The following KIFAP3 variants were observed in gnomAD, a reference collection of about 807,000 sequenced individuals.
KIFAP3 encodes the protein kinesin associated protein 3, also known as kinesin-associated protein 3.
In KIFAP3, 68 loss-of-function variants were observed where a neutral mutation model predicts 106.5. The ratio of observed to expected loss-of-function variants is 0.64; its 90% confidence interval spans 0.53 to 0.78. The LOEUF (loss-of-function observed/expected upper bound fraction) is 0.78, where lower values mean the gene tolerates loss of function less well. Among genes scored for constraint, KIFAP3 ranks in the 30% least tolerant of loss-of-function variants. The probability of loss-of-function intolerance (pLI) is 0.00; values close to 1 mark genes in which losing one functional copy is unlikely to be tolerated. For missense variants in KIFAP3, 780 were observed against 941.8 expected, an observed-to-expected ratio of 0.83 and a Z score of 2.25; for synonymous variants, 320 against 311.5, an observed-to-expected ratio of 1.03 and a Z score of -0.29.
At chr1:170,028,259 T>G (rs1669221971) in intron 8 of KIFAP3, among the ~76,000 whole-genome samples, 2 of 152,234 alleles carry the variant, frequency 1.3e-5, no homozygotes, top group East Asian at 3.9e-4. Context: ...TATATAAGAT[T>G]ATTTTCTTAT....
intron 2 of KIFAP3, among the ~76,000 whole-genome samples, chr1:170,053,373 T>C (rs534851539): frequency 6.6e-6 from 1 of 152,090 alleles, no homozygotes; most frequent in South Asian, 2.1e-4. Context: ...AAACATCCCA[T>C]CCTCATGGAT....
intron 10 of KIFAP3, 50 bp downstream of exon 10, chr1:170,016,412 C>T (rs745919206): frequency 4.1e-6 from 6 of 1,476,134 alleles, no homozygotes; most frequent in African/African-American, 2.9e-5. Flanking sequence ...AATTTTCCAG[C>T]GATGTTGGAA....
chr1:170,047,485 G>C (rs1442880278), intron 2 of KIFAP3, among the ~76,000 whole-genome samples: 2 of 151,910 alleles, frequency 1.3e-5, no homozygotes, highest in African/African-American at 4.8e-5. Flanking sequence ...GCCAGGTGTG[G>C]TGGTGCGCGC....
rs945453292 is a variant in KIFAP3, at chr1:170,062,687, C to CT, written c.33-7252dup. ...AGCAGGTTTTGCTGTGTCTTTTACA[C>CT]TTTTTTTTTGGTAGAAGTCATAGTC... On this transcript the variant is annotated intron_variant, in intron 1 of 19. Coordinates refer to ENST00000361580, the MANE Select transcript of KIFAP3 (RefSeq NM_014970.4). Among the ~76,000 whole-genome samples the CT allele has an allele frequency of 4.0e-4, 60 of 151,136 alleles. 1 individual carries two copies. Among genetic ancestry groups the CT allele is most frequent in the Non-Finnish European group, 2.5e-4 (17 of 67,764 alleles).
intron 5 of KIFAP3, among the ~76,000 whole-genome samples, chr1:170,038,071 GAAGA>G (rs1366553392): frequency 6.6e-6 from 1 of 152,120 alleles, no homozygotes; most frequent in African/African-American, 2.4e-5. Flanking sequence ...TCCCAGAGTA[GAAGA>G]AAGAAAAGGT....
intron 19 of KIFAP3, among the ~76,000 whole-genome samples, chr1:169,935,391 C>T (rs1663734106): frequency 2.0e-5 from 3 of 151,946 alleles, no homozygotes; most frequent in Middle Eastern, 3.2e-3. Flanking sequence ...TTTTTAAGAT[C>T]GCTTTGCCTT....
chr1:169,928,213 C>T (rs1283290887), intron 19 of KIFAP3, among the ~76,000 whole-genome samples: 1 of 151,852 alleles, frequency 6.6e-6, no homozygotes, highest in African/African-American at 2.4e-5. Context: ...AATTCTCCTG[C>T]CTCAGCCTCC....
chr1:170,061,316 G>GA (rs200275000), intron 1 of KIFAP3, among the ~76,000 whole-genome samples: 39,334 of 151,994 alleles, frequency 0.26, 6,059 homozygotes, highest in East Asian at 0.49. Context: ...AAATTTACAA[G>GA]AAAAAATCAA....
In KIFAP3 at chr1:169,984,599, A is replaced by G; in HGVS notation, c.1376T>C (p.Val459Ala). The G allele has an allele frequency of 6.3e-7, 1 of 1,597,276 alleles. No individual in the cohort carries two copies. Among genetic ancestry groups the G allele is most frequent in the Non-Finnish European group, 8.6e-7 (1 of 1,166,474 alleles). Residue 459 changes from valine to alanine, a missense_variant, in exon 12 of 20, where the codon GTA becomes GCA. Transcript: ENST00000361580. ...CINLAANKRNVQLICEGNGLK... is the reference protein window; with the variant it reads ...CINLAANKRNAQLICEGNGLK... ...GCACTGACCTTCACAGATAAGCTGT[A>G]CATTTCTTTTGTTAGCAGCAAGATT...
intron 2 of KIFAP3, among the ~76,000 whole-genome samples, chr1:170,053,705 T>C (rs1670694656): frequency 6.6e-6 from 1 of 151,848 alleles, no homozygotes. Flanking sequence ...TACAACCAAC[T>C]AACCTTCGAC....
At chr1:170,017,671 G>T (rs1668595163) in intron 9 of KIFAP3, among the ~76,000 whole-genome samples, 3 of 152,106 alleles carry the variant, frequency 2.0e-5, no homozygotes, top group African/African-American at 4.8e-5. Flanking sequence ...TGTTCTGAAA[G>T]ATTTTAAGTC....
rs530980038 is a variant in KIFAP3 at position 169,964,544 on chromosome 1, A to G, written c.1984-3309T>C. ...GTGATATGGGAGGAAGTCATTGACC[A>G]AGGAGTGATATTGGAAGAAGTAGCT... On this transcript the variant is annotated intron_variant, in intron 17 of 19. Coordinates refer to ENST00000361580, the MANE Select transcript of KIFAP3 (RefSeq NM_014970.4). Among the ~76,000 whole-genome samples, 32 of 152,312 alleles carry G rather than the reference A, an allele frequency of 2.1e-4. 1 individual carries two copies. The South Asian group carries it at 6.6e-3, about 32-fold the overall frequency.
At chr1:169,996,726 G>T (rs16862905) in intron 10 of KIFAP3, among the ~76,000 whole-genome samples, 13,271 of 152,136 alleles carry the variant, frequency 0.087, 1,549 homozygotes, top group African/African-American at 0.26. Flanking sequence ...CATTCCTTAG[G>T]GCGAAGTACA....
chr1:169,951,024 T>C (rs761942472), intron 19 of KIFAP3, among the ~76,000 whole-genome samples: 14 of 151,716 alleles, frequency 9.2e-5, no homozygotes, highest in Non-Finnish European at 1.6e-4. Context: ...CCACAAATGA[T>C]TGAATAAAAG....
intron 17 of KIFAP3, among the ~76,000 whole-genome samples, chr1:169,967,726 C>T (rs894917524): frequency 1.1e-4 from 16 of 151,606 alleles, no homozygotes; most frequent in African/African-American, 3.9e-4. Context: ...AATAACTATC[C>T]CAAATAACTG....
intron 15 of KIFAP3, 94 bp downstream of exon 15, chr1:169,981,878 G>GA: frequency 1.9e-6 from 2 of 1,038,752 alleles, no homozygotes; most frequent in East Asian, 5.4e-5. Flanking sequence ...AATGTAATGA[G>GA]AAAAACAGAT....
chr1:170,016,034 AT>A (rs1668494373), intron 10 of KIFAP3, among the ~76,000 whole-genome samples: 1 of 152,090 alleles, frequency 6.6e-6, no homozygotes, highest in Non-Finnish European at 1.5e-5. Context: ...TAAAAAAAAT[AT>A]ACCCTTTTTA....
At chr1:169,948,477 T>C (rs1664559518) in intron 19 of KIFAP3, among the ~76,000 whole-genome samples, 3 of 151,820 alleles carry the variant, frequency 2.0e-5, no homozygotes, top group Non-Finnish European at 2.9e-5. Context: ...TCAATGATTA[T>C]TTTAAAAAGA....
chr1:170,042,859 C>A (rs182666955), intron 3 of KIFAP3, among the ~76,000 whole-genome samples: 1 of 152,210 alleles, frequency 6.6e-6, no homozygotes, highest in African/African-American at 2.4e-5. Context: ...TGAGCTCACA[C>A]AGACCCACAT....
Sources: gnomAD v4.1 joint callset for allele counts (sites outside exome capture counted in the v4.1 genomes callset) on GRCh38, gnomAD v4.1.1 for gene constraint, MANE v1.5 for transcripts, NCBI Gene and HGNC (gene_info 2026-07-23, HGNC 2026-07-21) for gene names.